BMPER: variants seen among roughly 807,000 people sequenced by gnomAD.
BMPER encodes the protein BMP binding endothelial regulator.
In BMPER, 45 loss-of-function variants were observed where a neutral mutation model predicts 87.3. The observed-to-expected ratio is 0.52, with a 90% CI of 0.41 to 0.66. The LOEUF (loss-of-function observed/expected upper bound fraction) is 0.66, where lower values mean the gene tolerates loss of function less well. BMPER is among the 30% of genes least tolerant of loss of function. The pLI is 0.00. For missense variants in BMPER, 784 were observed against 867.5 expected, an observed-to-expected ratio of 0.90 and a Z score of 1.21; for synonymous variants, 326 against 316.2, an observed-to-expected ratio of 1.03 and a Z score of -0.33.
chr7:34,116,431 A>G (rs185202263), intron 13 of BMPER, among the ~76,000 whole-genome samples: 297 of 152,234 alleles, frequency 2.0e-3, no homozygotes, highest in Admixed American at 4.6e-3. Context: ...AACTTGTAGG[A>G]TATTAGATCT....
At chr7:34,032,456 T>C (rs180867908) in intron 6 of BMPER, among the ~76,000 whole-genome samples, 64 of 152,214 alleles carry the variant, frequency 4.2e-4, no homozygotes, top group African/African-American at 1.5e-3. Context: ...TGCATGGATA[T>C]TGTTATTTCT....
intron 13 of BMPER, among the ~76,000 whole-genome samples, chr7:34,122,103 A>G (rs7795950): frequency 0.63 from 85,914 of 136,650 alleles, 25,961 homozygotes; most frequent in East Asian, 0.85. Flanking sequence ...AGCTTGGGCA[A>G]TTGTGGGGTG....
At chr7:34,016,109 C>T (rs77557241) in intron 6 of BMPER, among the ~76,000 whole-genome samples, 1 of 151,796 alleles carries the variant, frequency 6.6e-6, no homozygotes, top group Admixed American at 6.6e-5. Flanking sequence ...ATCCCCAATC[C>T]TATGTATTGT....
intron 2 of BMPER, among the ~76,000 whole-genome samples, chr7:33,909,634 G>C (rs1366494386): frequency 7.0e-6 from 1 of 142,190 alleles, no homozygotes; most frequent in African/African-American, 2.6e-5. Flanking sequence ...TGGCAGAAAG[G>C]TACCTAAGGC....
At chr7:33,994,141 G>C (rs954641884) in intron 6 of BMPER, among the ~76,000 whole-genome samples, 35 of 152,300 alleles carry the variant, frequency 2.3e-4, no homozygotes, top group African/African-American at 8.4e-4. Flanking sequence ...GCTGTGGTGG[G>C]CTCCACCCAG....
At chr7:34,141,610 CAA>C (rs70997567) in intron 13 of BMPER, among the ~76,000 whole-genome samples, 1,293 of 54,886 alleles carry the variant, frequency 0.024, 18 homozygotes, top group African/African-American at 0.088. Flanking sequence ...AACACCATCT[CAA>C]AAAAAAAAAA....
intron 6 of BMPER, among the ~76,000 whole-genome samples, chr7:34,017,081 C>G (rs892308594): frequency 2.6e-5 from 4 of 151,820 alleles, no homozygotes; most frequent in African/African-American, 9.7e-5. Flanking sequence ...GCCAGTCACT[C>G]CAGATGGCTT....
At chr7:33,954,931 C>T (rs1478281469) in intron 3 of BMPER, among the ~76,000 whole-genome samples, 1 of 152,094 alleles carries the variant, frequency 6.6e-6, no homozygotes, top group Non-Finnish European at 1.5e-5. Flanking sequence ...GAGTTTCACT[C>T]TTGTTGCACA....
At chr7:33,968,571 C>T (rs555008456) in intron 4 of BMPER, among the ~76,000 whole-genome samples, 11 of 152,278 alleles carry the variant, frequency 7.2e-5, no homozygotes, top group Middle Eastern at 6.8e-3. Flanking sequence ...TACTTAACCT[C>T]GCTGTACCTC....
chr7:34,012,506 A>ATTTAGTAATTCCTGTCCC (rs1344623705), intron 6 of BMPER, among the ~76,000 whole-genome samples: 5 of 151,948 alleles, frequency 3.3e-5, no homozygotes, highest in African/African-American at 1.2e-4. Flanking sequence ...AGCAGAAGAT[A>ATTTAGTAATTCCTGTCCC]TTTAGTAATT....
At chr7:34,144,129 A>G (rs1391662935) in intron 14 of BMPER, among the ~76,000 whole-genome samples, 1 of 152,174 alleles carries the variant, frequency 6.6e-6, no homozygotes, top group Non-Finnish European at 1.5e-5. Context: ...TTCTCTACAG[A>G]TGATATTTCA....
At chr7:33,975,753 A>G (rs1435762696) in intron 6 of BMPER, among the ~76,000 whole-genome samples, 1 of 152,180 alleles carries the variant, frequency 6.6e-6, no homozygotes, top group Non-Finnish European at 1.5e-5. Flanking sequence ...GGGGAACTCT[A>G]GCATGCTAAT....
chr7:34,030,648 G>A (rs1487032681), intron 6 of BMPER, among the ~76,000 whole-genome samples: 3 of 151,656 alleles, frequency 2.0e-5, no homozygotes, highest in African/African-American at 4.8e-5. Context: ...TTCGAGATGG[G>A]GTCTTCTCTG....
chr7:34,087,917 T>A lies in BMPER; in HGVS notation c.1745+1825T>A, dbSNP rs560651421. 3.9e-5 allele frequency among the ~76,000 whole-genome samples: 6 copies of A among 152,352 alleles called. No individual in the cohort carries two copies. The South Asian group carries it at 1.2e-3, about 32-fold the overall frequency. On this transcript the variant is annotated intron_variant, in intron 13 of 14. Coordinates refer to ENST00000649409, the MANE Select transcript of BMPER (RefSeq NM_001365308.1). ...TTGCCTTCGGTGATTTATTTAGTGT[T>A]ATGATTTCTGGACTGCAACAGAAAT...
chr7:33,920,672 C>G (rs1784207808), intron 2 of BMPER, among the ~76,000 whole-genome samples: 1 of 151,932 alleles, frequency 6.6e-6, no homozygotes, highest in Non-Finnish European at 1.5e-5. Context: ...GATCTGTCCA[C>G]CTTGGCCCCC....
chr7:34,062,156 A>G (rs1788454518), intron 11 of BMPER, 109 bp downstream of exon 11: 1 of 1,035,926 alleles, frequency 9.7e-7, no homozygotes. Context: ...TTGTAGGTAT[A>G]TATAGGATGG....
chr7:33,934,032 G>A (rs913385718), intron 2 of BMPER, among the ~76,000 whole-genome samples: 2 of 152,220 alleles, frequency 1.3e-5, no homozygotes, highest in Non-Finnish European at 2.9e-5. Context: ...TTTCTTGAAT[G>A]AAGATGTGAA....
chr7:34,108,792 C>T (rs1789888047), intron 13 of BMPER, among the ~76,000 whole-genome samples: 1 of 152,196 alleles, frequency 6.6e-6, no homozygotes, highest in East Asian at 1.9e-4. Context: ...CCCTAACAGT[C>T]CCCATGGATT....
intron 11 of BMPER, among the ~76,000 whole-genome samples, chr7:34,076,025 A>G (rs1045883543): frequency 4.6e-5 from 7 of 152,338 alleles, no homozygotes; most frequent in Admixed American, 6.5e-5. Flanking sequence ...GGCCTCTTCA[A>G]TATTGCTGTC....
Sources: gnomAD v4.1 joint callset for allele counts (sites outside exome capture counted in the v4.1 genomes callset) on GRCh38, gnomAD v4.1.1 for gene constraint, MANE v1.5 for transcripts, NCBI Gene and HGNC (gene_info 2026-07-23, HGNC 2026-07-21) for gene names.